WDR33: variants seen among roughly 807,000 people sequenced by gnomAD.
WDR33 encodes WD repeat domain 33, also known as pre-mRNA 3' end processing protein WDR33.
WDR33 carries 47 observed loss-of-function variants against 164.9 expected under a neutral mutation model. The observed-to-expected ratio is 0.29, with a 90% CI of 0.23 to 0.36. WDR33 has a LOEUF of 0.36. Among genes scored for constraint, WDR33 ranks in the 10% least tolerant of loss-of-function variants. The probability of loss-of-function intolerance (pLI) is 1.00; values close to 1 mark genes in which losing one functional copy is unlikely to be tolerated. For missense variants in WDR33, 1,137 were observed against 1,754.1 expected (o/e 0.65, Z 6.28); for synonymous variants, 505 against 589.0 (o/e 0.86, Z 2.06).
Position 127,735,888 on chromosome 2 carries a change from G to A in WDR33, c.725-9111C>T. ...GGAGTGATTACTATTAGTCATCTTT[G>A]TTGTCCAGTCTAGAAAGTTACATCA... On this transcript the variant is annotated intron_variant, in intron 7 of 21. Transcript: ENST00000322313. The surrounding 1 kb of genome is among the most constrained non-coding windows in gnomAD (Gnocchi z 4.3). The A allele has an allele frequency of 5.1e-6, 5 of 985,376 alleles. No homozygotes were observed. Among genetic ancestry groups the A allele is most frequent in the Non-Finnish European group, 6.0e-6 (5 of 829,932 alleles). 61.0% of individuals were successfully genotyped at this position (985,376 alleles called of 1,614,324 possible).
rs1414595590 is a variant in WDR33 at position 127,782,371 on chromosome 2, G to A, written c.-23-11367C>T. Among the ~76,000 whole-genome samples the A allele has an allele frequency of 2.0e-5, 3 of 152,112 alleles. No homozygotes were observed. In the East Asian group the frequency reaches 5.8e-4, roughly 29 times the overall value. ...TGCGGCGAGCCGAGATTGCACCACTGCACTCCAGCCTGGGCATGATCTCAA... is the reference window on the plus strand; with the variant it reads ...TGCGGCGAGCCGAGATTGCACCACTACACTCCAGCCTGGGCATGATCTCAA... On this transcript the variant is annotated intron_variant, in intron 1 of 21. Transcript: ENST00000322313.
chr2:127,709,895 C>T lies in WDR33; in HGVS notation c.3309-39G>A, dbSNP rs753262715. The stretch of plus-strand genomic sequence containing the variant: ...ACAGCAGAATGTCCATCTCAGAGAA[C>T]ACCTTGCCACTCTAAGTTCATGTTT... On this transcript the variant is annotated intron_variant, in intron 18 of 21. Transcript: ENST00000322313. The surrounding 1 kb of genome is among the most constrained non-coding windows in gnomAD (Gnocchi z 5.0). 3 of 1,600,314 alleles carry T rather than the reference C, an allele frequency of 1.9e-6. No individual in the cohort carries two copies. The South Asian group carries it at 3.4e-5, about 18-fold the overall frequency.
In WDR33 at chr2:127,726,817, A is replaced by G. The variant is rs1319060736; in HGVS notation, c.725-40T>C. On this transcript the variant is annotated intron_variant, in intron 7 of 21. Transcript: ENST00000322313. This position sits in a 1 kb window ranked among gnomAD's most constrained non-coding sequence, Gnocchi z 4.8. ...TTAGGATTAAAACCTAATTAGTTAC[A>G]TGCATTTAAAGCAATTTAAACCAAA... The G allele has an allele frequency of 6.2e-7, 1 of 1,610,502 alleles. No homozygotes were observed. Among genetic ancestry groups the G allele is most frequent in the Non-Finnish European group, 8.5e-7 (1 of 1,178,386 alleles).
intron 1 of WDR33, among the ~76,000 whole-genome samples, chr2:127,772,999 GCTGGTGCGCACC>G (rs1408601320): frequency 2.0e-5 from 3 of 151,708 alleles, no homozygotes; most frequent in Non-Finnish European, 2.9e-5. Flanking sequence ...AGCCCAGTGT[GCTGGTGCGCACC>G]TGTAGTCCCA....
At chr2:127,794,227 C>T (rs1432002187) in intron 1 of WDR33, among the ~76,000 whole-genome samples, 1 of 151,784 alleles carries the variant, frequency 6.6e-6, no homozygotes, top group African/African-American at 2.4e-5. Flanking sequence ...CGGCCAGGCA[C>T]GGTGGCTCAT....
Position 127,713,540 on chromosome 2 carries a change from G to C in WDR33, c.3308+43C>G, listed in dbSNP as rs375745453. ...CCTTTGTGGAGACAGCAGATAAAAA[G>C]CTCCACTGAAGATGGAATGGGCCCA... On this transcript the variant is annotated intron_variant, in intron 18 of 21. Coordinates refer to ENST00000322313, the MANE Select transcript of WDR33 (RefSeq NM_018383.5). The surrounding 1 kb of genome is among the most constrained non-coding windows in gnomAD (Gnocchi z 6.2). 33 of 1,592,504 alleles carry C rather than the reference G, an allele frequency of 2.1e-5. No individual in the cohort carries two copies. In the African/African-American group the frequency reaches 3.9e-4, roughly 19 times the overall value.
At chr2:127,732,851 A>G (rs1686744790) in intron 7 of WDR33, among the ~76,000 whole-genome samples, 1 of 152,246 alleles carries the variant, frequency 6.6e-6, no homozygotes. Context: ...ATGATTAAGT[A>G]CCAAACACAT....
At chr2:127,776,815 A>T (rs1220445860) in intron 1 of WDR33, among the ~76,000 whole-genome samples, 1 of 152,256 alleles carries the variant, frequency 6.6e-6, no homozygotes, top group Non-Finnish European at 1.5e-5. Flanking sequence ...TCCTCAAACA[A>T]GTCATTACAA....
At chr2:127,778,721 A>G (rs960264190) in intron 1 of WDR33, among the ~76,000 whole-genome samples, 2 of 152,188 alleles carry the variant, frequency 1.3e-5, no homozygotes, top group South Asian at 2.1e-4. Context: ...GAGGGAGGCA[A>G]GGGCAGGGGG....
rs550963455 is a variant in WDR33, at chr2:127,772,576, A to C, written c.-23-1572T>G. 6.6e-5 allele frequency among the ~76,000 whole-genome samples: 10 copies of C among 152,202 alleles called. No homozygotes were observed. In the South Asian group the frequency reaches 1.9e-3, roughly 28 times the overall value. On this transcript the variant is annotated intron_variant, in intron 1 of 21. Coordinates refer to ENST00000322313, the MANE Select transcript of WDR33 (RefSeq NM_018383.5). ...TTAAATTTCCCAGGACTAGTGTAGA[A>C]AGAGGAATAAACTACCTTATTTCAT...
At chr2:127,803,530 T>C (rs1474368236) in intron 1 of WDR33, among the ~76,000 whole-genome samples, 1 of 152,104 alleles carries the variant, frequency 6.6e-6, no homozygotes, top group South Asian at 2.1e-4. Context: ...ATTGCACAAC[T>C]GCACTCCAGC....
In WDR33 at chr2:127,702,328, G is replaced by A. The variant is rs13405026; in HGVS notation, c.*3995C>T. On this transcript the variant is annotated 3_prime_UTR_variant, in exon 22 of 22. Coordinates refer to ENST00000322313, the MANE Select transcript of WDR33 (RefSeq NM_018383.5). ...CGAGTCTAATCCGGGAGCGGCTGCT[G>A]CCAGCGGAGGCGACAGCAGCGTTGG... 1,305 of 767,498 alleles carry A rather than the reference G, an allele frequency of 1.7e-3. 17 individuals carry two copies. The African/African-American group carries it at 0.022, about 13-fold the overall frequency. 47.5% of individuals were successfully genotyped at this position (767,498 alleles called of 1,614,324 possible).
chr2:127,707,074 AAAC>A lies in WDR33; in HGVS notation c.3782-525_3782-523del, dbSNP rs373866454. On this transcript the variant is annotated intron_variant, in intron 21 of 21. Coordinates refer to ENST00000322313, the MANE Select transcript of WDR33 (RefSeq NM_018383.5). ...TAGTAAAATAAAGTATTTCTTGAAA[AAAC>A]AAAAGAAAAGCACAAAAACCCAAAA... Among the ~76,000 whole-genome samples the A allele has an allele frequency of 8.2e-4, 125 of 152,344 alleles. 4 individuals are homozygous for A. In the South Asian group the frequency reaches 0.025, roughly 30 times the overall value.
rs538380537 is a variant in WDR33 at position 127,756,261 on chromosome 2, G to A, written c.724+6801C>T. Among the ~76,000 whole-genome samples the A allele has an allele frequency of 3.3e-5, 5 of 151,142 alleles. No homozygotes were observed. In the South Asian group the frequency reaches 1.1e-3, roughly 32 times the overall value. ...AGACACGAGAATTGCTTGAACCCGG[G>A]AGGCAGAGGTTGCAATGAGCTGAGA... is the stretch of plus-strand genomic sequence containing the variant. On this transcript the variant is annotated intron_variant, in intron 7 of 21. Coordinates refer to ENST00000322313, the MANE Select transcript of WDR33 (RefSeq NM_018383.5).
intron 1 of WDR33, among the ~76,000 whole-genome samples, chr2:127,809,824 T>C (rs1249843929): frequency 6.6e-6 from 1 of 152,146 alleles, no homozygotes; most frequent in Non-Finnish European, 1.5e-5. Context: ...ATAGTCTAAA[T>C]ATGGAACTTC....
chr2:127,743,965 A>G (rs977590483), intron 7 of WDR33, among the ~76,000 whole-genome samples: 3 of 152,228 alleles, frequency 2.0e-5, no homozygotes, highest in African/African-American at 4.8e-5. Context: ...GGGGAGAGGT[A>G]AAGGATTGGC....
chr2:127,745,146 CT>C (rs757782095), intron 7 of WDR33, among the ~76,000 whole-genome samples: 5 of 152,148 alleles, frequency 3.3e-5, no homozygotes, highest in Non-Finnish European at 7.4e-5. Flanking sequence ...AAAACGCATA[CT>C]GAGAGCGGCC....
At chr2:127,800,647 A>AC (rs1689204762) in intron 1 of WDR33, among the ~76,000 whole-genome samples, 1 of 151,808 alleles carries the variant, frequency 6.6e-6, no homozygotes, top group East Asian at 1.9e-4. Context: ...AAAAAAAAAA[A>AC]AAAAAAACCA....
At chr2:127,772,212 G>A (rs1480783727) in intron 1 of WDR33, among the ~76,000 whole-genome samples, 5 of 152,088 alleles carry the variant, frequency 3.3e-5, no homozygotes, top group Non-Finnish European at 7.4e-5. Flanking sequence ...CGAGATGGGC[G>A]GATCACCGGA....
Sources: gnomAD v4.1 joint callset for allele counts (sites outside exome capture counted in the v4.1 genomes callset) on GRCh38, gnomAD v4.1.1 for gene constraint, Gnocchi (gnomAD v3.1) non-coding constraint, MANE v1.5 for transcripts, NCBI Gene and HGNC (gene_info 2026-07-23, HGNC 2026-07-21) for gene names.